Variants in NR2F1-AS1 observed in about 807,000 individuals in gnomAD.
NR2F1-AS1 encodes NR2F1 antisense RNA 1.
chr5:93,421,893 G>A (rs549269381), intron 4 of NR2F1-AS1, among the ~76,000 whole-genome samples: 17 of 152,212 alleles, frequency 1.1e-4, no homozygotes, highest in Non-Finnish European at 2.4e-4. Flanking sequence ...AAATTTTAAT[G>A]GTGAAAGTAA....
At chr5:93,412,737 C>CT (rs1188439550) in intron 4 of NR2F1-AS1, among the ~76,000 whole-genome samples, 1 of 152,182 alleles carries the variant, frequency 6.6e-6, no homozygotes, top group Non-Finnish European at 1.5e-5. Flanking sequence ...AGGCCCCCAG[C>CT]TGTAGGCTGG....
intron 4 of NR2F1-AS1, among the ~76,000 whole-genome samples, chr5:93,451,467 A>T (rs1290751537): frequency 6.6e-6 from 1 of 152,092 alleles, no homozygotes; most frequent in Non-Finnish European, 1.5e-5. Flanking sequence ...CAGCAGTGCC[A>T]TCATGGTTCA....
intron 4 of NR2F1-AS1, among the ~76,000 whole-genome samples, chr5:93,478,467 G>A (rs149368956): frequency 0.011 from 1,733 of 152,204 alleles, 40 homozygotes; most frequent in African/African-American, 0.04. Context: ...ACGGTGGCAC[G>A]ATCTCGGCTC....
chr5:93,566,665 T>C lies in NR2F1-AS1; in HGVS notation n.314-3202A>G, dbSNP rs766990728. On this transcript the variant is annotated intron_variant and non_coding_transcript_variant, in intron 1 of 5. Coordinates refer to ENST00000660523, the Ensembl canonical transcript of NR2F1-AS1. ...CCAGTATAAATTGGTAGAACCTTTCTGGAAAACAATTGGGCAATCAATATC... is the reference window on the plus strand; with the variant it reads ...CCAGTATAAATTGGTAGAACCTTTCCGGAAAACAATTGGGCAATCAATATC... Among the ~76,000 whole-genome samples, 31 of 151,976 alleles carry C rather than the reference T, an allele frequency of 2.0e-4. 1 individual carries two copies. Among genetic ancestry groups the C allele is most frequent in the African/African-American group, 4.3e-4 (18 of 41,438 alleles).
chr5:93,583,555 G>A (rs1027860295), upstream of NR2F1-AS1: 1 of 151,888 alleles, frequency 6.6e-6, no homozygotes, highest in African/African-American at 2.4e-5. Context: ...AGGAGGAGGA[G>A]GCACCCCCTT....
chr5:93,564,164 G>A (rs1031255913), intron 1 of NR2F1-AS1, among the ~76,000 whole-genome samples: 1 of 117,384 alleles, frequency 8.5e-6, no homozygotes, highest in Non-Finnish European at 1.7e-5. Context: ...ACAACTACCT[G>A]GAGAATACTT....
chr5:93,536,028 A>T (rs1751830239), intron 4 of NR2F1-AS1, among the ~76,000 whole-genome samples: 1 of 152,122 alleles, frequency 6.6e-6, no homozygotes. Context: ...ATATGACATG[A>T]TCTTATATAT....
chr5:93,547,078 A>G (rs1408188552), intron 4 of NR2F1-AS1, among the ~76,000 whole-genome samples: 1 of 152,172 alleles, frequency 6.6e-6, no homozygotes. Flanking sequence ...CAGATTTCAG[A>G]CTTGCCAGTC....
intron 4 of NR2F1-AS1, among the ~76,000 whole-genome samples, chr5:93,469,820 A>C (rs1424173548): frequency 6.6e-6 from 1 of 152,102 alleles, no homozygotes; most frequent in Non-Finnish European, 1.5e-5. Flanking sequence ...GAAGGCTGTT[A>C]ATATCAATGC....
At chr5:93,567,248 G>A (rs1370166940) in intron 1 of NR2F1-AS1, among the ~76,000 whole-genome samples, 2 of 151,800 alleles carry the variant, frequency 1.3e-5, no homozygotes, top group African/African-American at 2.4e-5. Flanking sequence ...TGGGTTAAAC[G>A]GAATCCTTAC....
intron 4 of NR2F1-AS1, among the ~76,000 whole-genome samples, chr5:93,507,101 C>T (rs1751200311): frequency 6.6e-6 from 1 of 151,926 alleles, no homozygotes; most frequent in Non-Finnish European, 1.5e-5. Context: ...GGAGAAAAAC[C>T]ATAAGATCAT....
chr5:93,570,929 G>C (rs1011605392), intron 1 of NR2F1-AS1: 8 of 152,216 alleles, frequency 5.3e-5, no homozygotes, highest in Non-Finnish European at 1.0e-4. Flanking sequence ...GGGGCCCTCG[G>C]AGGGGCCCCT....
chr5:93,583,136 A>G (rs1323099821), upstream of NR2F1-AS1: 1 of 152,156 alleles, frequency 6.6e-6, no homozygotes, highest in Non-Finnish European at 1.5e-5. Flanking sequence ...GCTCCATATA[A>G]GGCAGCGATC....
At chr5:93,574,067 A>T (rs1752838995) in intron 1 of NR2F1-AS1, among the ~76,000 whole-genome samples, 1 of 152,270 alleles carries the variant, frequency 6.6e-6, no homozygotes, top group Non-Finnish European at 1.5e-5. Context: ...GTCTGCAATT[A>T]GTCCTGCTAA....
chr5:93,521,501 T>TA (rs1425051223), intron 4 of NR2F1-AS1, among the ~76,000 whole-genome samples: 12 of 151,938 alleles, frequency 7.9e-5, no homozygotes, highest in Non-Finnish European at 1.3e-4. Flanking sequence ...ATAAAAAACT[T>TA]AAACAAATTT....
chr5:93,494,400 T>C (rs971843925), intron 4 of NR2F1-AS1, among the ~76,000 whole-genome samples: 1 of 152,166 alleles, frequency 6.6e-6, no homozygotes, highest in African/African-American at 2.4e-5. Flanking sequence ...GGGAGGGCAC[T>C]TTGGGATGAT....
At chr5:93,432,686 G>A (rs1476809043) in intron 4 of NR2F1-AS1, among the ~76,000 whole-genome samples, 1 of 152,072 alleles carries the variant, frequency 6.6e-6, no homozygotes, top group Non-Finnish European at 1.5e-5. Context: ...ATGCGTCATA[G>A]CTGTTCCCTG....
chr5:93,461,134 C>G (rs952691661), intron 4 of NR2F1-AS1, among the ~76,000 whole-genome samples: 1 of 152,148 alleles, frequency 6.6e-6, no homozygotes, highest in Non-Finnish European at 1.5e-5. Flanking sequence ...ACATATACAC[C>G]ATGGAATACT....
intron 1 of NR2F1-AS1, among the ~76,000 whole-genome samples, chr5:93,572,582 GC>G (rs1752797021): frequency 6.6e-6 from 1 of 152,192 alleles, no homozygotes; most frequent in Non-Finnish European, 1.5e-5. Flanking sequence ...TCTTTCTGGT[GC>G]CCCAGCCCTG....
Sources: allele counts gnomAD v4.1 joint callset (sites outside exome capture counted in the v4.1 genomes callset), GRCh38; gene constraint gnomAD v4.1.1; transcripts MANE v1.5; gene names NCBI Gene and HGNC (gene_info 2026-07-23, HGNC 2026-07-21).